ROS1: variants seen among roughly 807,000 people sequenced by gnomAD.
ROS1 encodes proto-oncogene tyrosine-protein kinase ROS.
In ROS1, 263 loss-of-function variants were observed where a neutral mutation model predicts 273.5. That is an observed-to-expected ratio of 0.96 (90% CI 0.87 to 1.06). The LOEUF (loss-of-function observed/expected upper bound fraction) is 1.06. Among genes scored for constraint, ROS1 ranks in the 50% least tolerant of loss-of-function variants. The pLI, the probability that ROS1 is intolerant of heterozygous loss-of-function variation, is 0.00. For synonymous variants in ROS1, 1,008 were observed against 954.1 expected, an observed-to-expected ratio of 1.06 and a Z score of -1.04; for missense variants, 2,833 against 2,751.1, an observed-to-expected ratio of 1.03 and a Z score of -0.67.
intron 26 of ROS1, among the ~76,000 whole-genome samples, chr6:117,354,075 G>T (rs1216800689): frequency 2.0e-5 from 3 of 152,194 alleles, no homozygotes; most frequent in Non-Finnish European, 2.9e-5. Flanking sequence ...CTTGATTCCA[G>T]CATGGTGGCT....
chr6:117,321,230 G>C (rs2128563054), intron 36 of ROS1, 29 bp downstream of exon 36: 3 of 1,604,556 alleles, frequency 1.9e-6, no homozygotes, highest in Non-Finnish European at 2.6e-6. Flanking sequence ...TTGCCTAGGT[G>C]CTCCATAATG....
chr6:117,341,906 T>C (rs1263347408), intron 29 of ROS1, among the ~76,000 whole-genome samples: 1 of 152,120 alleles, frequency 6.6e-6, no homozygotes, highest in Non-Finnish European at 1.5e-5. Flanking sequence ...TTTGTGAATA[T>C]CATCAGAGAC....
chr6:117,402,784 A>T (rs1322636181), intron 7 of ROS1, among the ~76,000 whole-genome samples: 1 of 151,636 alleles, frequency 6.6e-6, no homozygotes, highest in East Asian at 2.0e-4. Flanking sequence ...GCTGCTTGGA[A>T]GGCTGAGGCA....
intron 39 of ROS1, among the ~76,000 whole-genome samples, chr6:117,312,667 C>T (rs1775629593): frequency 6.6e-6 from 1 of 152,044 alleles, no homozygotes; most frequent in African/African-American, 2.4e-5. Context: ...CATAATGCTG[C>T]CTGCCTGCTT....
Position 117,389,471 on chromosome 6 carries a change from G to A in ROS1, c.1665C>T (p.Val555=), listed in dbSNP as rs759908099. ...GCAGCTGGGAGGATGAGCCAAAGAT[G>A]ACCAAGTTACCAAACCCAAATTCTT... ...HIEEFGFGNL[V]IFGSSSQLHP... is the part of the protein sequence containing the mutation. The change falls in exon 13 of 44, where the codon GTC becomes GTT. Residue 555 remains valine, a synonymous_variant. Transcript: ENST00000368507. The A allele has an allele frequency of 8.7e-6, 14 of 1,614,098 alleles. 1 individual carries two copies. In the South Asian group the frequency reaches 1.4e-4, roughly 16 times the overall value.
At chr6:117,357,160 C>A (rs1047821914) in intron 25 of ROS1, among the ~76,000 whole-genome samples, 1 of 152,148 alleles carries the variant, frequency 6.6e-6, no homozygotes, top group African/African-American at 2.4e-5. Flanking sequence ...AATATAATGA[C>A]CTTAGGTGCT....
intron 32 of ROS1, among the ~76,000 whole-genome samples, chr6:117,329,955 TG>T (rs1055576582): frequency 2.0e-5 from 3 of 152,102 alleles, no homozygotes; most frequent in African/African-American, 7.2e-5. Flanking sequence ...CTGAACTCCC[TG>T]GGGGAGGGGT....
intron 43 of ROS1, among the ~76,000 whole-genome samples, chr6:117,290,830 T>G (rs887371690): frequency 1.3e-5 from 2 of 152,192 alleles, no homozygotes; most frequent in African/African-American, 4.8e-5. Context: ...GCACCCCCAC[T>G]TCTTTGCTTT....
chr6:117,404,459 G>A (rs2243377), intron 5 of ROS1, 31 bp from the exon 6 acceptor site: 116,851 of 1,602,982 alleles, frequency 0.073, 4,693 homozygotes, highest in Middle Eastern at 0.084. Flanking sequence ...CACTCACCAC[G>A]CACTCCTGTC....
chr6:117,365,972 C>G, intron 19 of ROS1, 104 bp downstream of exon 19: 12 of 1,027,352 alleles, frequency 1.2e-5, no homozygotes, highest in Non-Finnish European at 1.7e-5. Context: ...TGAAACCTTA[C>G]TCCTCTTAAA....
At chr6:117,296,810 T>C (rs1328538026) in intron 43 of ROS1, among the ~76,000 whole-genome samples, 1 of 152,080 alleles carries the variant, frequency 6.6e-6, no homozygotes, top group Non-Finnish European at 1.5e-5. Context: ...AAGTAAAAAA[T>C]TGGTTTGTAA....
chr6:117,335,073 A>G (rs2128610204), intron 32 of ROS1, among the ~76,000 whole-genome samples: 2 of 152,318 alleles, frequency 1.3e-5, no homozygotes, highest in Middle Eastern at 3.4e-3. Context: ...AATGGGAGAA[A>G]AATTTTGCAA....
At chr6:117,393,733 A>C (rs80166727) in intron 11 of ROS1, among the ~76,000 whole-genome samples, 11,278 of 152,060 alleles carry the variant, frequency 0.074, 646 homozygotes, top group African/African-American at 0.16. Flanking sequence ...ACCACCAACA[A>C]CAACAACAAA....
intron 8 of ROS1, among the ~76,000 whole-genome samples, chr6:117,396,697 G>C (rs1773514389): frequency 6.6e-6 from 1 of 152,066 alleles, no homozygotes; most frequent in Non-Finnish European, 1.5e-5. Context: ...AGTATCCTCT[G>C]AATATAATAG....
chr6:117,330,080 C>G (rs1032728433), intron 32 of ROS1, among the ~76,000 whole-genome samples: 1 of 152,172 alleles, frequency 6.6e-6, no homozygotes, highest in South Asian at 2.1e-4. Context: ...CCCTGGGCGG[C>G]GGGGAGAAAT....
chr6:117,305,652 T>C (rs1447611923), intron 42 of ROS1, among the ~76,000 whole-genome samples: 4 of 152,118 alleles, frequency 2.6e-5, no homozygotes, highest in African/African-American at 4.8e-5. Context: ...AGAATAAAAC[T>C]TCGGTTCTCA....
chr6:117,309,233 C>T (rs1426351745), intron 41 of ROS1, among the ~76,000 whole-genome samples: 1 of 152,164 alleles, frequency 6.6e-6, no homozygotes, highest in African/African-American at 2.4e-5. Context: ...TACACATATG[C>T]ACACACAGAA....
intron 26 of ROS1, among the ~76,000 whole-genome samples, chr6:117,355,197 G>A (rs569785170): frequency 6.6e-6 from 1 of 152,160 alleles, no homozygotes; most frequent in Non-Finnish European, 1.5e-5. Context: ...GGACTCAGAG[G>A]AGCATAACCA....
Position 117,344,121 on chromosome 6 carries a change from A to T in ROS1, c.4445T>A (p.Leu1482Gln). The T allele has an allele frequency of 6.2e-7, 1 of 1,614,010 alleles. No individual in the cohort carries two copies. ...YGITSPTPTY[L>Q]VYYAEVNDRK... ...GTCATTAACTTCTGCATAATAAACCAGGTATGTTGGAGTAGGGCTGGTGAT... is the reference window on the plus strand; with the variant it reads ...GTCATTAACTTCTGCATAATAAACCTGGTATGTTGGAGTAGGGCTGGTGAT... Residue 1482 changes from leucine to glutamine, a missense_variant, in exon 28 of 44, where the codon CTG becomes CAG. Leu to Gln is a moderately radical substitution (Grantham distance 113). Coordinates refer to ENST00000368507, the MANE Select transcript of ROS1 (RefSeq NM_001378902.1).
Sources: allele counts gnomAD v4.1 joint callset (sites outside exome capture counted in the v4.1 genomes callset), GRCh38; gene constraint gnomAD v4.1.1; transcripts MANE v1.5; gene names NCBI Gene and HGNC (gene_info 2026-07-23, HGNC 2026-07-21).